The following NAA20 variants were observed in gnomAD, a reference collection of about 807,000 sequenced individuals.
NAA20 encodes N-alpha-acetyltransferase 20, NatB catalytic subunit.
In NAA20, 24 loss-of-function variants were observed where a neutral mutation model predicts 23.8. The ratio of observed to expected loss-of-function variants is 1.01; its 90% CI spans 0.73 to 1.42. NAA20 has a LOEUF of 1.42. Among genes scored for constraint, NAA20 ranks in the 40% most tolerant of loss-of-function variants. The pLI is 0.00. For synonymous variants in NAA20, 83 were observed against 77.7 expected (o/e 1.07, Z -0.36); for missense variants, 166 against 223.1 (o/e 0.74, Z 1.63).
At chr20:20,021,055 T>A (rs2043264755) in intron 1 of NAA20, among the ~76,000 whole-genome samples, 2 of 139,518 alleles carry the variant, frequency 1.4e-5, no homozygotes, top group Admixed American at 7.1e-5. Flanking sequence ...GGGGGGGGAC[T>A]TTGGCAAAGA....
intron 4 of NAA20, among the ~76,000 whole-genome samples, chr20:20,029,963 T>A (rs1281737032): frequency 1.3e-5 from 2 of 152,202 alleles, no homozygotes; most frequent in African/African-American, 4.8e-5. Context: ...CAAAATAGGT[T>A]ATAAGCCAAC....
At chr20:20,022,611 A>G (rs2146461866) in intron 2 of NAA20, 131 bp downstream of exon 2, 1 of 689,496 alleles carries the variant, frequency 1.5e-6, no homozygotes. Flanking sequence ...CATAAGCAAC[A>G]CTGAAAGCAA....
Position 20,026,855 on chromosome 20 carries a change from C to T in NAA20, c.241C>T (p.Pro81Ser), listed in dbSNP as rs1451950276. 2 of 1,613,962 alleles carry T rather than the reference C, an allele frequency of 1.2e-6. No individual in the cohort carries two copies. Among genetic ancestry groups the T allele is most frequent in the Non-Finnish European group, 8.5e-7 (1 of 1,180,036 alleles). ...HGHVTALSVA[P>S]EFRRLGLAAK... ...GCACGTCACAGCTCTGTCTGTTGCCCCAGAATTTCGACGCCTTGGTTTGGC... is the reference window on the plus strand; with the variant it reads ...GCACGTCACAGCTCTGTCTGTTGCCTCAGAATTTCGACGCCTTGGTTTGGC... The change falls in exon 4 of 6, where the codon CCA becomes TCA. Residue 81 changes from proline (P) to serine (S), a missense_variant. Transcript: ENST00000334982.
chr20:20,021,016 C>G (rs1439029202), intron 1 of NAA20, among the ~76,000 whole-genome samples: 13 of 91,682 alleles, frequency 1.4e-4, no homozygotes, highest in African/African-American at 5.5e-4. Context: ...GTGCAGATGC[C>G]TGTGTGCGTG....
At chr20:20,019,498 A>G (rs532601891) in intron 1 of NAA20, among the ~76,000 whole-genome samples, 3 of 152,342 alleles carry the variant, frequency 2.0e-5, no homozygotes, top group African/African-American at 7.2e-5. Context: ...AAGAAAATAC[A>G]CAGGAACACT....
In NAA20 at chr20:20,017,603, C is replaced by G. The variant is rs2043240277; in HGVS notation, c.53+154C>G. The G allele has an allele frequency of 2.3e-6, 3 of 1,316,584 alleles. No individual in the cohort carries two copies. In the South Asian group the frequency reaches 4.9e-5, roughly 21 times the overall value. 81.6% of individuals were successfully genotyped at this position (1,316,584 alleles called of 1,614,324 possible). On this transcript the variant is annotated intron_variant, in intron 1 of 5. Transcript: ENST00000334982. ...CCCGCCGGCCAACGTGGGCGCCTCC[C>G]TGGGGCCACAGGGTCCAGGGAGAGG...
intron 2 of NAA20, among the ~76,000 whole-genome samples, chr20:20,023,447 A>G (rs973606212): frequency 2.6e-5 from 4 of 152,162 alleles, no homozygotes; most frequent in African/African-American, 9.7e-5. Context: ...CCTGCTTTAT[A>G]AATTGGGACT....
In NAA20 at chr20:20,017,461, G is replaced by C; in HGVS notation, c.53+12G>C. On this transcript the variant is annotated intron_variant, in intron 1 of 5. Coordinates refer to ENST00000334982, the MANE Select transcript of NAA20 (RefSeq NM_016100.5). ...CGCTTCAACAACATGTGAGTGACAC[G>C]CGCCTAGGGCCAGCCGCTCTTGGCC... 1 of 1,605,284 alleles carries C rather than the reference G, an allele frequency of 6.2e-7. No homozygotes were observed. Among genetic ancestry groups the C allele is most frequent in the East Asian group, 2.3e-5 (1 of 44,078 alleles).
In NAA20 at chr20:20,032,671, G is replaced by A. The variant is rs761843566; in HGVS notation, c.451+18G>A. On this transcript the variant is annotated intron_variant, in intron 5 of 5. Coordinates refer to ENST00000334982, the MANE Select transcript of NAA20 (RefSeq NM_016100.5). ...CGCTTATGGTAAGCTCCCTTCCATG[G>A]CAGTATCCCCAAGAAGTCGAAACAG... The A allele has an allele frequency of 1.3e-6, 2 of 1,566,352 alleles. No individual in the cohort carries two copies. The highest frequency in any genetic ancestry group is 1.7e-6 in the Non-Finnish European group (2 of 1,158,414).
At chr20:20,025,812 T>C (rs767788238) in intron 3 of NAA20, 45 bp downstream of exon 3, 2 of 1,242,886 alleles carry the variant, frequency 1.6e-6, no homozygotes, top group African/African-American at 3.0e-5. Flanking sequence ...GTAAAGATTT[T>C]AATATAGATT....
Position 20,017,364 on chromosome 20 carries a change from T to C in NAA20, c.-33T>C, listed in dbSNP as rs769061817. 3.9e-5 allele frequency: 62 copies of C among 1,610,296 alleles called. No homozygotes were observed. The highest frequency in any genetic ancestry group is 5.2e-5 in the Non-Finnish European group (61 of 1,178,884). ...TTCCGGCAGGGCGGGCGCGGGGTCT[T>C]GGCGAACGGTCTTCGGAAGCGGCGG... On this transcript the variant is annotated 5_prime_UTR_variant, in exon 1 of 6. Transcript: ENST00000334982.
At chr20:20,027,186 G>A (rs993922291) in intron 4 of NAA20, among the ~76,000 whole-genome samples, 6 of 152,146 alleles carry the variant, frequency 3.9e-5, no homozygotes, top group African/African-American at 1.4e-4. Flanking sequence ...GCTAGCTCTC[G>A]AGGTTTCTCT....
chr20:20,017,692 T>C, intron 1 of NAA20: 1 of 1,425,208 alleles, frequency 7.0e-7, no homozygotes, highest in Non-Finnish European at 9.2e-7. Flanking sequence ...ACTTTGTCTC[T>C]GGACCCTGCG....
At chr20:20,025,556 C>G in intron 2 of NAA20, 121 bp from the exon 3 acceptor site, 1 of 707,388 alleles carries the variant, frequency 1.4e-6, no homozygotes, top group South Asian at 1.7e-5. Flanking sequence ...GATTATAGGA[C>G]TCATACAGAG....
At chr20:20,028,079 A>G (rs371225428) in intron 4 of NAA20, among the ~76,000 whole-genome samples, 2 of 152,212 alleles carry the variant, frequency 1.3e-5, no homozygotes, top group Non-Finnish European at 2.9e-5. Flanking sequence ...AAGGAGCTCA[A>G]ACTCATTCAG....
At chr20:20,019,677 C>G (rs1420664097) in intron 1 of NAA20, among the ~76,000 whole-genome samples, 1 of 152,172 alleles carries the variant, frequency 6.6e-6, no homozygotes, top group Non-Finnish European at 1.5e-5. Flanking sequence ...CTCAAGCTCC[C>G]AGGCCCAGGC....
rs2043238529 is a variant in NAA20, at chr20:20,017,408, A to G, written c.12A>G (p.Leu4=). The change falls in exon 1 of 6, where the codon CTA becomes CTG. Residue 4 remains leucine, a synonymous_variant. Coordinates refer to ENST00000334982, the MANE Select transcript of NAA20 (RefSeq NM_016100.5). ...GCGGCGGCGGCGCGATGACCACGCT[A>G]CGGGCCTTTACCTGCGACGACCTGT... MTT[L]RAFTCDDLFR... is the part of the protein sequence containing the mutation. The G allele has an allele frequency of 6.2e-7, 1 of 1,611,810 alleles. No individual in the cohort carries two copies. Among genetic ancestry groups the G allele is most frequent in the East Asian group, 2.2e-5 (1 of 44,768 alleles).
At chr20:20,021,479 G>GT (rs2043267994) in intron 1 of NAA20, among the ~76,000 whole-genome samples, 1 of 152,026 alleles carries the variant, frequency 6.6e-6, no homozygotes, top group Non-Finnish European at 1.5e-5. Flanking sequence ...ATTTTGTTTT[G>GT]TTTTGTTTTC....
At chr20:20,018,013 C>A (rs2043243167) in intron 1 of NAA20, 4 of 1,614,228 alleles carry the variant, frequency 2.5e-6, no homozygotes, top group Non-Finnish European at 3.4e-6. Flanking sequence ...ATCACTGCGT[C>A]CCCTGCAGCA....
Sources: allele counts gnomAD v4.1 joint callset (sites outside exome capture counted in the v4.1 genomes callset), GRCh38; gene constraint gnomAD v4.1.1; transcripts MANE v1.5; gene names NCBI Gene and HGNC (gene_info 2026-07-23, HGNC 2026-07-21).